ULK4: variants seen among roughly 807,000 people sequenced by gnomAD.
ULK4 encodes the protein inactive serine/threonine-protein kinase ULK4.
A neutral mutation model predicts 160.6 loss-of-function variants in ULK4; 133 were observed. That is an observed-to-expected ratio of 0.83 (90% CI 0.72 to 0.96). The LOEUF (loss-of-function observed/expected upper bound fraction) is 0.96. Among genes scored for constraint, ULK4 ranks in the 40% least tolerant of loss-of-function variants. The probability of loss-of-function intolerance (pLI) is 0.00; values close to 1 mark genes in which losing one functional copy is unlikely to be tolerated. For missense variants in ULK4, 1,580 were observed against 1,499.5 expected (o/e 1.05, Z -0.89); for synonymous variants, 534 against 539.8 (o/e 0.99, Z 0.15).
At chr3:41,506,767 A>AAAAAAAAAAAAATATATATATATAAAT in intron 32 of ULK4, among the ~76,000 whole-genome samples, 4 of 56,766 alleles carry the variant, frequency 7.0e-5, no homozygotes, top group Non-Finnish European at 6.3e-5. Context: ...TGTGATTTAA[A>AAAAAAAAAAAAATATATATATATAAAT]ATATATATAT....
chr3:41,409,302 C>G lies in ULK4; in HGVS notation c.3493-11038G>C, dbSNP rs139100871. On this transcript the variant is annotated intron_variant, in intron 34 of 36. Coordinates refer to ENST00000301831, the MANE Select transcript of ULK4 (RefSeq NM_017886.4). ...ATAAAACTTATAGAAAACACAGGAG[C>G]AAGTCTTGTGACCTTAGGTTAGACA... Among the ~76,000 whole-genome samples the G allele has an allele frequency of 5.4e-4, 82 of 152,172 alleles. No homozygotes were observed. In the South Asian group the frequency reaches 5.8e-3, roughly 11 times the overall value.
chr3:41,419,540 G>A (rs932408105), intron 34 of ULK4, among the ~76,000 whole-genome samples: 1 of 152,144 alleles, frequency 6.6e-6, no homozygotes, highest in Admixed American at 6.5e-5. Flanking sequence ...CATCACTTGT[G>A]GTGAGAGGTG....
At chr3:41,303,097 T>A (rs938057790) in intron 35 of ULK4, among the ~76,000 whole-genome samples, 1 of 152,242 alleles carries the variant, frequency 6.6e-6, no homozygotes, top group Non-Finnish European at 1.5e-5. Flanking sequence ...GCAACTGTTA[T>A]AACTTTTTTA....
intron 34 of ULK4, among the ~76,000 whole-genome samples, chr3:41,438,770 T>TGAGCTGTGATCATGCCAC (rs1431142740): frequency 2.5e-4 from 38 of 152,140 alleles, no homozygotes; most frequent in African/African-American, 9.2e-4. Flanking sequence ...GAGGCTGCCA[T>TGAGCTGTGATCATGCCAC]GAGCTGTGAT....
At chr3:41,824,705 G>GGCCT (rs2041281524) in intron 18 of ULK4, among the ~76,000 whole-genome samples, 4 of 152,174 alleles carry the variant, frequency 2.6e-5, no homozygotes, top group Admixed American at 2.6e-4. Flanking sequence ...AGTTCAAGGA[G>GGCCT]GCCTGCCTGC....
intron 35 of ULK4, among the ~76,000 whole-genome samples, chr3:41,301,354 A>G (rs1001733790): frequency 3.9e-5 from 6 of 152,162 alleles, no homozygotes; most frequent in Non-Finnish European, 8.8e-5. Flanking sequence ...TTTCACTATA[A>G]CGACAGAATA....
intron 19 of ULK4, 64 bp from the exon 20 acceptor site, chr3:41,800,357 A>G: frequency 6.7e-7 from 1 of 1,489,866 alleles, no homozygotes; most frequent in Non-Finnish European, 9.2e-7. Context: ...TTTCTTTATG[A>G]CCATTGTAAA....
chr3:41,366,114 A>G (rs527607390), intron 35 of ULK4, among the ~76,000 whole-genome samples: 1 of 152,208 alleles, frequency 6.6e-6, no homozygotes, highest in Non-Finnish European at 1.5e-5. Context: ...ATGTCCTCAA[A>G]GCAAACAGCA....
chr3:41,377,417 AC>A (rs2081529577), intron 35 of ULK4, among the ~76,000 whole-genome samples: 1 of 150,934 alleles, frequency 6.6e-6, no homozygotes, highest in African/African-American at 2.4e-5. Context: ...AAAAGAAACT[AC>A]CATCAGAGTG....
intron 35 of ULK4, among the ~76,000 whole-genome samples, chr3:41,254,392 C>T (rs1450280457): frequency 6.6e-6 from 1 of 152,118 alleles, no homozygotes; most frequent in East Asian, 1.9e-4. Context: ...CTAAATAATC[C>T]AAGGGTTAAA....
chr3:41,900,679 A>T, intron 13 of ULK4, 46 bp downstream of exon 13: 1 of 1,403,004 alleles, frequency 7.1e-7, no homozygotes, highest in Admixed American at 1.8e-5. Context: ...CAGATTTCAG[A>T]TCTCAGTAAA....
intron 35 of ULK4, among the ~76,000 whole-genome samples, chr3:41,269,236 G>A (rs1047450970): frequency 6.6e-6 from 1 of 152,050 alleles, no homozygotes; most frequent in Non-Finnish European, 1.5e-5. Flanking sequence ...CCTTGTAAAT[G>A]GATAATTCCA....
intron 8 of ULK4, chr3:41,914,868 A>C (rs1698914630): frequency 6.6e-6 from 1 of 152,082 alleles, no homozygotes; most frequent in Non-Finnish European, 1.5e-5. Flanking sequence ...AAACACAAAA[A>C]TTAGCTGAGG....
chr3:41,589,338 G>A (rs1417831131), intron 31 of ULK4, among the ~76,000 whole-genome samples: 1 of 123,818 alleles, frequency 8.1e-6, no homozygotes, highest in Non-Finnish European at 1.6e-5. Context: ...GTTACACAGA[G>A]AAAAATAACA....
chr3:41,725,189 T>C (rs1323575105), intron 22 of ULK4, among the ~76,000 whole-genome samples: 2 of 152,378 alleles, frequency 1.3e-5, no homozygotes, highest in Admixed American at 6.5e-5. Flanking sequence ...ACAAAAGTCA[T>C]GAAGATATTT....
chr3:41,409,087 C>T (rs916474752), intron 34 of ULK4, among the ~76,000 whole-genome samples: 27 of 152,016 alleles, frequency 1.8e-4, no homozygotes, highest in Admixed American at 1.8e-3. Context: ...GAAACCCCAT[C>T]TCTACAAAAA....
At chr3:41,921,138 C>G (rs1415970922) in intron 5 of ULK4, among the ~76,000 whole-genome samples, 3 of 151,976 alleles carry the variant, frequency 2.0e-5, no homozygotes, top group African/African-American at 7.3e-5. Context: ...CTGGTGAAAC[C>G]CCATCTCTAC....
chr3:41,401,327 A>G (rs1002157563), intron 34 of ULK4, among the ~76,000 whole-genome samples: 1 of 152,126 alleles, frequency 6.6e-6, no homozygotes, highest in Admixed American at 6.6e-5. Context: ...GATTTAGGTA[A>G]AGGATTTTAT....
chr3:41,842,834 G>A (rs1029547765), intron 17 of ULK4, among the ~76,000 whole-genome samples: 1 of 152,212 alleles, frequency 6.6e-6, no homozygotes, highest in South Asian at 2.1e-4. Context: ...TAGGCACATA[G>A]ATCAATGGAA....
Sources: gnomAD v4.1 joint callset for allele counts (sites outside exome capture counted in the v4.1 genomes callset) on GRCh38, gnomAD v4.1.1 for gene constraint, MANE v1.5 for transcripts, NCBI Gene and HGNC (gene_info 2026-07-23, HGNC 2026-07-21) for gene names.